Variants in GSN observed in about 807,000 individuals in gnomAD.
GSN encodes actin-depolymerizing factor.
In GSN, 56 loss-of-function variants were observed where a neutral mutation model predicts 85.7. That is an observed-to-expected ratio of 0.65 (90% CI 0.53 to 0.82). The LOEUF is 0.82. Ranked by LOEUF, GSN falls within the 40% of genes least tolerant of loss-of-function variation. The pLI, the probability that GSN is intolerant of heterozygous loss-of-function variation, is 0.00. For missense variants in GSN, 857 were observed against 979.8 expected (o/e 0.87, Z 1.67); for synonymous variants, 373 against 399.1 (o/e 0.93, Z 0.78).
chr9:121,254,296 G>A (rs117283535), intron 6 of GSN, among the ~76,000 whole-genome samples: 28 of 152,288 alleles, frequency 1.8e-4, no homozygotes, highest in East Asian at 7.7e-4. Flanking sequence ...TGCTACATGC[G>A]TAATAGCAAG....
intron 12 of GSN, among the ~76,000 whole-genome samples, chr9:121,325,464 G>C (rs1381012655): frequency 6.6e-6 from 1 of 152,130 alleles, no homozygotes; most frequent in African/African-American, 2.4e-5. Context: ...TGCTCAGAGG[G>C]GCCAGACCAC....
chr9:121,290,097 T>C (rs1295004927), intron 2 of GSN, among the ~76,000 whole-genome samples: 1 of 152,074 alleles, frequency 6.6e-6, no homozygotes, highest in Non-Finnish European at 1.5e-5. Context: ...TTATGTACTG[T>C]CTTGGTGGGA....
At chr9:121,247,738 C>A (rs1206087236) in intron 5 of GSN, among the ~76,000 whole-genome samples, 7 of 152,158 alleles carry the variant, frequency 4.6e-5, no homozygotes, top group Admixed American at 3.3e-4. Flanking sequence ...AATCAAATCA[C>A]CAAATCAAAT....
chr9:121,231,806 G>A (rs938798940), intron 5 of GSN, among the ~76,000 whole-genome samples: 1 of 152,172 alleles, frequency 6.6e-6, no homozygotes, highest in African/African-American at 2.4e-5. Flanking sequence ...CAGGCCAGGT[G>A]CAGTAGCTCA....
chr9:121,314,103 C>G lies in GSN; in HGVS notation c.753+80C>G, dbSNP rs1198688380. On this transcript the variant is annotated intron_variant, in intron 7 of 17. Coordinates refer to ENST00000432226, the MANE Select transcript of GSN (RefSeq NM_198252.3). ...AGACTTGGTCTTCCCCACTCCACTG[C>G]TATGGGACCTTGAGCAAAGCACCCC... is the stretch of plus-strand genomic sequence containing the variant. The G allele has an allele frequency of 1.1e-5, 12 of 1,102,304 alleles. No individual in the cohort carries two copies. In the Middle Eastern group the frequency reaches 7.8e-4, roughly 72 times the overall value. 68.3% of individuals were successfully genotyped at this position (1,102,304 alleles called of 1,614,324 possible).
intron 1 of GSN, among the ~76,000 whole-genome samples, chr9:121,274,394 A>G (rs1375061472): frequency 6.6e-6 from 1 of 152,238 alleles, no homozygotes; most frequent in East Asian, 1.9e-4. Context: ...CAATACTGCA[A>G]TGAACAACCT....
intron 4 of GSN, among the ~76,000 whole-genome samples, chr9:121,227,989 G>A (rs973526914): frequency 3.9e-5 from 6 of 152,080 alleles, no homozygotes; most frequent in Middle Eastern, 3.2e-3. Flanking sequence ...GCTAGTTAGT[G>A]CACCCAGAAT....
At chr9:121,264,386 AG>A (rs1238137943), upstream of GSN, among the ~76,000 whole-genome samples, 1 of 152,150 alleles carries the variant, frequency 6.6e-6, no homozygotes, top group Non-Finnish European at 1.5e-5. Flanking sequence ...CCAGAGGTCA[AG>A]GCTGCAGGAA....
At position 121,299,909 on chromosome 9, in the gene GSN, GGCGCTGTGC is replaced by G; in HGVS notation, c.-9-2046_-9-2038del. On this transcript the variant is annotated intron_variant, in intron 2 of 17. Transcript: ENST00000432226. This position sits in a 1 kb window ranked among gnomAD's most constrained non-coding sequence, Gnocchi z 4.2. The stretch of plus-strand genomic sequence containing the variant: ...CCGCGCTGCTTTGCGCGCTGTCCCT[GGCGCTGTGC>G]GCGCTGTCGCTGCCCGTCCGCGCGG... 2 of 1,271,426 alleles carry G rather than the reference GGCGCTGTGC, an allele frequency of 1.6e-6. No homozygotes were observed. The highest frequency in any genetic ancestry group is 3.3e-5 in the East Asian group (1 of 30,480). The allele number at this position is 1,271,426 out of a possible 1,614,324, so 78.8% of individuals were successfully genotyped here.
At chr9:121,275,133 C>T (rs182687701) in intron 1 of GSN, among the ~76,000 whole-genome samples, 2 of 152,296 alleles carry the variant, frequency 1.3e-5, no homozygotes, top group Admixed American at 1.3e-4. Context: ...TTTCCTGAAA[C>T]GTTACATTTC....
At chr9:121,252,689 C>G (rs896065471) in intron 6 of GSN, among the ~76,000 whole-genome samples, 1 of 152,196 alleles carries the variant, frequency 6.6e-6, no homozygotes, top group Non-Finnish European at 1.5e-5. Flanking sequence ...AATATGGTGG[C>G]CTCTGCATCA....
At chr9:121,232,307 A>G (rs1416280516) in intron 5 of GSN, among the ~76,000 whole-genome samples, 4 of 152,206 alleles carry the variant, frequency 2.6e-5, no homozygotes, top group Admixed American at 2.6e-4. Flanking sequence ...AATCTAGGAA[A>G]TGTGATTGAA....
intron 3 of GSN, among the ~76,000 whole-genome samples, chr9:121,302,658 T>G (rs915226396): frequency 1.2e-4 from 18 of 152,152 alleles, no homozygotes; most frequent in African/African-American, 3.9e-4. Flanking sequence ...ATGCTCCCAG[T>G]CCTGAGTTTA....
intron 2 of GSN, among the ~76,000 whole-genome samples, chr9:121,301,453 C>G (rs1030961362): frequency 5.9e-5 from 9 of 152,000 alleles, no homozygotes; most frequent in African/African-American, 2.2e-4. Context: ...ATGGCGAAAC[C>G]CTGTCTGTAC....
intron 4 of GSN, among the ~76,000 whole-genome samples, chr9:121,230,216 TTTTA>T (rs2054360998): frequency 1.3e-5 from 2 of 152,154 alleles, no homozygotes; most frequent in Non-Finnish European, 2.9e-5. Context: ...CAGGCTCAAA[TTTTA>T]CCCTTATTTT....
chr9:121,276,775 G>A (rs2056727374), intron 1 of GSN, among the ~76,000 whole-genome samples: 1 of 151,996 alleles, frequency 6.6e-6, no homozygotes, highest in Admixed American at 6.6e-5. Context: ...AAACCTGGTG[G>A]TGGTCGGGTC....
At chr9:121,292,891 C>T (rs574490820) in intron 2 of GSN, among the ~76,000 whole-genome samples, 12 of 152,292 alleles carry the variant, frequency 7.9e-5, no homozygotes, top group East Asian at 1.9e-4. Flanking sequence ...GCATGGTCCA[C>T]GGATCCCTCA....
chr9:121,290,335 T>G (rs2058568113), intron 2 of GSN, among the ~76,000 whole-genome samples: 1 of 152,142 alleles, frequency 6.6e-6, no homozygotes, highest in African/African-American at 2.4e-5. Context: ...CTGGCTATGA[T>G]TATCCTCTAA....
At chr9:121,304,951 G>C (rs143037690) in intron 4 of GSN, among the ~76,000 whole-genome samples, 1 of 152,258 alleles carries the variant, frequency 6.6e-6, no homozygotes, top group African/African-American at 2.4e-5. Context: ...GGGGTGATGT[G>C]GGATCCCAGG....
Sources: allele counts gnomAD v4.1 joint callset (sites outside exome capture counted in the v4.1 genomes callset), GRCh38; gene constraint gnomAD v4.1.1; non-coding constraint Gnocchi (gnomAD v3.1); transcripts MANE v1.5; gene names NCBI Gene and HGNC (gene_info 2026-07-23, HGNC 2026-07-21).